MGST2: variants seen among roughly 807,000 people sequenced by gnomAD.
The protein encoded by MGST2 is microsomal glutathione S-transferase 2.
MGST2 carries 9 observed loss-of-function variants against 16.6 expected under a neutral mutation model. The ratio of observed to expected loss-of-function variants is 0.54; its 90% CI spans 0.33 to 0.95. The LOEUF (loss-of-function observed/expected upper bound fraction) is 0.95. Ranked by LOEUF, MGST2 falls within the 40% of genes least tolerant of loss-of-function variation. The pLI, the probability that MGST2 is intolerant of heterozygous loss-of-function variation, is 0.03. For missense variants in MGST2, 159 were observed against 175.1 expected, an observed-to-expected ratio of 0.91 and a Z score of 0.52; for synonymous variants, 79 against 68.0, an observed-to-expected ratio of 1.16 and a Z score of -0.79.
downstream of MGST2, among the ~76,000 whole-genome samples, chr4:139,744,994 T>C (rs138137948): frequency 2.6e-5 from 4 of 152,256 alleles, no homozygotes; most frequent in African/African-American, 7.2e-5. Flanking sequence ...CTTTATGAAA[T>C]GAGGAAGCCA....
At chr4:139,746,857 A>G in the MGST2 span, among the ~76,000 whole-genome samples, 1 of 152,156 alleles carries the variant, frequency 6.6e-6, no homozygotes, top group Non-Finnish European at 1.5e-5. Context: ...TCCTTTGATC[A>G]AGTAAAGGTA....
chr4:139,700,127 CTTTT>C (rs56662682), intron 3 of MGST2, among the ~76,000 whole-genome samples: 10 of 82,972 alleles, frequency 1.2e-4, no homozygotes, highest in African/African-American at 5.1e-4. Context: ...TTTGGTTTTG[CTTTT>C]TTTTTTTTTT....
At chr4:139,750,602 C>T in the MGST2 span, among the ~76,000 whole-genome samples, 1 of 152,160 alleles carries the variant, frequency 6.6e-6, no homozygotes, top group African/African-American at 2.4e-5. Context: ...ATTCACTCCT[C>T]CATTGTTCAC....
At chr4:139,677,729 C>G (rs1206695095) in intron 1 of MGST2, among the ~76,000 whole-genome samples, 1 of 152,090 alleles carries the variant, frequency 6.6e-6, no homozygotes, top group Admixed American at 6.6e-5. Flanking sequence ...TCTCGAACTC[C>G]CGACCTTGGG....
chr4:139,679,453 T>C (rs1255356163), intron 2 of MGST2, among the ~76,000 whole-genome samples: 3 of 152,246 alleles, frequency 2.0e-5, no homozygotes, highest in African/African-American at 7.2e-5. Context: ...CTTTCTCAGA[T>C]AATTTTAATA....
chr4:139,736,226 C>CA (rs772686858), intron 5 of MGST2, among the ~76,000 whole-genome samples: 3 of 152,192 alleles, frequency 2.0e-5, no homozygotes, highest in South Asian at 4.2e-4. Context: ...TTGTATATAT[C>CA]AAAAGATAGC....
Position 139,704,168 on chromosome 4 carries a change from T to G in MGST2, c.*20T>G, listed in dbSNP as rs544092151. The G allele has an allele frequency of 6.2e-7, 1 of 1,613,662 alleles. No homozygotes were observed. Among genetic ancestry groups the G allele is most frequent in the South Asian group, 1.1e-5 (1 of 91,086 alleles). The stretch of plus-strand genomic sequence containing the variant: ...TTCTAACTTTTTCTCTTCCCTTTAA[T>G]ACTTGCAGAAGCTGTTCCCACCATG... On this transcript the variant is annotated 3_prime_UTR_variant, in exon 5 of 5. Coordinates refer to ENST00000265498, the MANE Select transcript of MGST2 (RefSeq NM_002413.5).
chr4:139,702,244 T>A (rs1047409195), intron 3 of MGST2, among the ~76,000 whole-genome samples: 2 of 152,200 alleles, frequency 1.3e-5, no homozygotes, highest in Admixed American at 1.3e-4. Context: ...CTTCAATGAA[T>A]GTTGAGAAGT....
At chr4:139,749,681 C>T in the MGST2 span, among the ~76,000 whole-genome samples, 1 of 152,232 alleles carries the variant, frequency 6.6e-6, no homozygotes, top group African/African-American at 2.4e-5. Context: ...ATTCTATTTT[C>T]ACATGCAATT....
chr4:139,674,339 C>T (rs576476229), intron 1 of MGST2, among the ~76,000 whole-genome samples: 2 of 152,264 alleles, frequency 1.3e-5, no homozygotes, highest in Non-Finnish European at 2.9e-5. Flanking sequence ...TCTGATTAGC[C>T]TTTTACTGAA....
At chr4:139,734,094 G>A (rs1429332936) in intron 5 of MGST2, among the ~76,000 whole-genome samples, 4 of 152,178 alleles carry the variant, frequency 2.6e-5, no homozygotes, top group Non-Finnish European at 4.4e-5. Flanking sequence ...TACAGCCCCC[G>A]ACTCTGAGGT....
the MGST2 span, among the ~76,000 whole-genome samples, chr4:139,745,820 G>A: frequency 3.3e-5 from 5 of 152,184 alleles, no homozygotes; most frequent in Non-Finnish European, 5.9e-5. Flanking sequence ...AGAACAGTAG[G>A]TATATACTGT....
At chr4:139,749,630 C>T in the MGST2 span, among the ~76,000 whole-genome samples, 2,148 of 152,244 alleles carry the variant, frequency 0.014, 49 homozygotes, top group African/African-American at 0.049. Flanking sequence ...ACATGGAGGC[C>T]ACATTTGTGT....
At chr4:139,750,236 G>T in the MGST2 span, among the ~76,000 whole-genome samples, 1 of 152,204 alleles carries the variant, frequency 6.6e-6, no homozygotes, top group Non-Finnish European at 1.5e-5. Context: ...AAGTGACAGG[G>T]AAGAAGGGGT....
At chr4:139,745,508 G>C (rs1027288061), downstream of MGST2, among the ~76,000 whole-genome samples, 15 of 152,130 alleles carry the variant, frequency 9.9e-5, no homozygotes, top group Admixed American at 8.5e-4. Context: ...ACTGAAAAAA[G>C]CCAAATGCAC....
At chr4:139,709,230 C>T (rs2110922719), downstream of MGST2, among the ~76,000 whole-genome samples, 1 of 151,716 alleles carries the variant, frequency 6.6e-6, no homozygotes, top group Non-Finnish European at 1.5e-5. Context: ...CTAGAGGCGC[C>T]CGCCACCACG....
downstream of MGST2, among the ~76,000 whole-genome samples, chr4:139,743,645 C>A (rs1729230659): frequency 6.6e-6 from 1 of 152,146 alleles, no homozygotes; most frequent in South Asian, 2.1e-4. Context: ...TGTCTCAGAT[C>A]CCAAGGATAC....
At chr4:139,691,579 T>A (rs1726582961) in intron 2 of MGST2, among the ~76,000 whole-genome samples, 1 of 151,972 alleles carries the variant, frequency 6.6e-6, no homozygotes, top group South Asian at 2.1e-4. Context: ...TTCCAGGTAT[T>A]TCAAGGCCAA....
intron 5 of MGST2, among the ~76,000 whole-genome samples, chr4:139,739,190 C>T (rs1280044585): frequency 6.6e-6 from 1 of 152,138 alleles, no homozygotes; most frequent in African/African-American, 2.4e-5. Flanking sequence ...AAATGATGGC[C>T]CTATAATGGA....
Sources: allele counts gnomAD v4.1 joint callset (sites outside exome capture counted in the v4.1 genomes callset), GRCh38; gene constraint gnomAD v4.1.1; transcripts MANE v1.5; gene names NCBI Gene and HGNC (gene_info 2026-07-23, HGNC 2026-07-21).